BRD8: variants seen among roughly 807,000 people sequenced by gnomAD.
The protein encoded by BRD8 is bromodomain containing 8, also known as bromodomain-containing protein 8.
Under a neutral mutation model 143.1 loss-of-function variants are expected in BRD8, and 67 were observed. The ratio of observed to expected loss-of-function variants is 0.47; its 90% CI spans 0.38 to 0.57. The LOEUF (loss-of-function observed/expected upper bound fraction) is 0.57. Ranked by LOEUF, BRD8 falls within the 20% of genes least tolerant of loss-of-function variation. BRD8 has a pLI of 0.00. For synonymous variants in BRD8, 505 were observed against 517.1 expected (o/e 0.98, Z 0.32); for missense variants, 1,103 against 1,503.0 (o/e 0.73, Z 4.40).
At chr5:138,167,906 G>C in intron 9 of BRD8, 28 bp downstream of exon 9, 4 of 1,605,038 alleles carry the variant, frequency 2.5e-6, no homozygotes, top group Non-Finnish European at 3.4e-6. Flanking sequence ...ACACCTTTGA[G>C]GTTGATAAAG....
At chr5:138,166,440 AGCT>A in intron 10 of BRD8, 75 bp downstream of exon 10, 1 of 845,098 alleles carries the variant, frequency 1.2e-6, no homozygotes, top group Non-Finnish European at 1.9e-6. Flanking sequence ...TCTGAATCGG[AGCT>A]GATGCTCTTG....
At chr5:138,161,904 A>G (rs1753025188) in intron 16 of BRD8, 40 bp from the exon 17 acceptor site, 5 of 1,608,110 alleles carry the variant, frequency 3.1e-6, no homozygotes, top group Non-Finnish European at 4.3e-6. Flanking sequence ...GACATTCTCC[A>G]GAAGTGCAGG....
chr5:138,144,900 A>AC (rs1306232423), intron 25 of BRD8, among the ~76,000 whole-genome samples: 1 of 78,988 alleles, frequency 1.3e-5, no homozygotes, highest in African/African-American at 4.0e-5. Context: ...GACCCTGTCA[A>AC]AAAAAAAAAA....
Position 138,178,600 on chromosome 5 carries a change from C to T in BRD8, c.15G>A (p.Thr5=), listed in dbSNP as rs199741689. 1.9e-6 allele frequency: 3 copies of T among 1,613,842 alleles called. No homozygotes were observed. The highest frequency in any genetic ancestry group is 1.7e-6 in the Non-Finnish European group (2 of 1,179,786). The change falls in exon 1 of 27, where the codon ACG becomes ACA. Residue 5 remains threonine (T), a synonymous_variant. Transcript: ENST00000254900. ...AAAACCTGCTCAGATACTCACTGCC[C>T]GTTCCCGTCGCCATCTTGGCCCCGA... The part of the protein sequence containing the change: MATG[T]GKHKLLSTGP...
chr5:138,164,504 A>C (rs761996165), intron 12 of BRD8, 91 bp from the exon 13 acceptor site: 26 of 1,324,280 alleles, frequency 2.0e-5, no homozygotes, highest in Non-Finnish European at 2.7e-5. Context: ...AGACCATAGA[A>C]GAAATTCTAA....
intron 8 of BRD8, chr5:138,168,609 G>C: frequency 6.2e-7 from 1 of 1,605,850 alleles, no homozygotes; most frequent in East Asian, 2.2e-5. Flanking sequence ...GGCTTCTAAG[G>C]GTGCAGAGCC....
intron 26 of BRD8, 34 bp from the exon 27 acceptor site, chr5:138,140,200 T>C: frequency 6.7e-7 from 1 of 1,493,760 alleles, no homozygotes; most frequent in Non-Finnish European, 9.3e-7. Context: ...CAAGCTATTA[T>C]GAACCTTAAA....
At chr5:138,148,350 T>C (rs1368294341) in intron 23 of BRD8, among the ~76,000 whole-genome samples, 1 of 152,008 alleles carries the variant, frequency 6.6e-6, no homozygotes, top group Non-Finnish European at 1.5e-5. Flanking sequence ...AACTTCAAAA[T>C]AATTTTTTTC....
chr5:138,171,017 G>A, intron 5 of BRD8, 21 bp downstream of exon 5: 2 of 1,610,326 alleles, frequency 1.2e-6, no homozygotes, highest in South Asian at 2.2e-5. Context: ...TCAATTTTTT[G>A]GCATTCTCTC....
At position 138,144,914 on chromosome 5, in the gene BRD8, A is replaced by ATATAT. The variant is rs1300352644; in HGVS notation, c.3437+262_3437+263insATATA. ...AGACCCTGTCAAAAAAAAAAAAAAA[A>ATATAT]AAAAATATATATATATATAGAATGG... On this transcript the variant is annotated intron_variant, in intron 25 of 26. Coordinates refer to ENST00000254900, the MANE Select transcript of BRD8 (RefSeq NM_139199.2). Among the ~76,000 whole-genome samples, 720 of 142,606 alleles carry ATATAT rather than the reference A, an allele frequency of 5.0e-3. 4 individuals are homozygous for ATATAT. The highest frequency in any genetic ancestry group is 0.019 in the African/African-American group (694 of 37,108). 93.6% of individuals were successfully genotyped at this position (142,606 alleles called of 152,430 possible). A position where few individuals can be genotyped will look rare whatever the true frequency, so the allele number is the denominator to read the frequency against.
chr5:138,158,287 T>G (rs1752737338), intron 20 of BRD8, among the ~76,000 whole-genome samples: 2 of 152,182 alleles, frequency 1.3e-5, no homozygotes, highest in African/African-American at 4.8e-5. Flanking sequence ...CCTGATGCCC[T>G]TCCATTACAT....
In BRD8 at chr5:138,139,791, T is replaced by C. The variant is rs1324087314; in HGVS notation, c.*283A>G. 1 of 385,004 alleles carries C rather than the reference T, an allele frequency of 2.6e-6. No homozygotes were observed. Among genetic ancestry groups the C allele is most frequent in the Non-Finnish European group, 4.6e-6 (1 of 216,028 alleles). 23.8% of individuals were successfully genotyped at this position (385,004 alleles called of 1,614,324 possible). On this transcript the variant is annotated 3_prime_UTR_variant, in exon 27 of 27. Transcript: ENST00000254900. The stretch of plus-strand genomic sequence containing the variant: ...TTCCTATTGTGTAAATACATTTATT[T>C]ATAGAGTAAAAGGCTTAGAAAAGAT...
intron 21 of BRD8, 99 bp from the exon 22 acceptor site, chr5:138,151,107 G>C: frequency 7.1e-7 from 1 of 1,416,508 alleles, no homozygotes; most frequent in Non-Finnish European, 9.5e-7. Context: ...CAGTGACTAA[G>C]TCTGAGAGGA....
intron 2 of BRD8, chr5:138,172,775 C>G (rs1214850683): frequency 2.3e-6 from 1 of 432,912 alleles, no homozygotes; most frequent in East Asian, 8.1e-5. Context: ...TCCCTTGAGC[C>G]CAGGAAGTCA....
chr5:138,159,814 C>T (rs1047488164), intron 19 of BRD8, among the ~76,000 whole-genome samples: 4 of 152,220 alleles, frequency 2.6e-5, no homozygotes, highest in Admixed American at 6.5e-5. Context: ...CCATTTCCCC[C>T]GCCTTGAGAG....
At chr5:138,163,377 AAGCAAAGCTATCC>A in intron 14 of BRD8, 33 bp from the exon 15 acceptor site, 2 of 1,603,804 alleles carry the variant, frequency 1.2e-6, no homozygotes, top group African/African-American at 2.7e-5. Flanking sequence ...TAACAAATGC[AAGCAAAGCTATCC>A]AGCAAAGCAT....
chr5:138,177,582 G>A lies in BRD8; in HGVS notation c.105C>T (p.Gly35=), dbSNP rs183440093. The A allele has an allele frequency of 6.2e-7, 1 of 1,607,866 alleles. No individual in the cohort carries two copies. The highest frequency in any genetic ancestry group is 8.5e-7 in the Non-Finnish European group (1 of 1,176,942). The change falls in exon 2 of 27, where the codon GGC becomes GGT. Residue 35 remains glycine, a synonymous_variant. Coordinates refer to ENST00000254900, the MANE Select transcript of BRD8 (RefSeq NM_139199.2). The part of the protein sequence containing the change: ...LCLASSVMRS[G]DQNWVSVSRA... Reference sequence around the variant, plus strand: ...CCTAGATACCTTACCAATTTTGATCGCCACTTCTCATGACAGAAGATGCTA... The same window carrying A: ...CCTAGATACCTTACCAATTTTGATCACCACTTCTCATGACAGAAGATGCTA...
In BRD8 at chr5:138,166,620, G is replaced by A; in HGVS notation, c.895C>T (p.Pro299Ser). Residue 299 changes from proline (P) to serine (S), a missense_variant, in exon 10 of 27, where the codon CCC (proline) becomes TCC (serine). Around this residue, in one of 7 missense-constraint regions of BRD8, gnomAD observed 334 missense variants for 372.5 expected, o/e 0.90. Transcript: ENST00000254900. ...GCTTGGGACACAGACTCTACAGGGGGTGGCACAAGTTTAACTGGAGGCTCA... is the reference window on the plus strand; with the variant it reads ...GCTTGGGACACAGACTCTACAGGGGATGGCACAAGTTTAACTGGAGGCTCA... ...ASEPPVKLVPPPVESVSQATI... is the reference protein window; with the variant it reads ...ASEPPVKLVPSPVESVSQATI... 1 of 1,613,640 alleles carries A rather than the reference G, an allele frequency of 6.2e-7. No individual in the cohort carries two copies. The highest frequency in any genetic ancestry group is 8.5e-7 in the Non-Finnish European group (1 of 1,179,544).
chr5:138,163,743 A>T, intron 14 of BRD8: 2 of 837,056 alleles, frequency 2.4e-6, no homozygotes, highest in Non-Finnish European at 3.4e-6. Context: ...CTGCTTTAAT[A>T]ATTCTAAAAA....
Sources: gnomAD v4.1 joint callset for allele counts (sites outside exome capture counted in the v4.1 genomes callset) on GRCh38, gnomAD v4.1.1 for gene constraint, gnomAD v4.1.1 regional missense constraint, MANE v1.5 for transcripts, NCBI Gene and HGNC (gene_info 2026-07-23, HGNC 2026-07-21) for gene names.